ADAMTS16: variants seen among roughly 807,000 people sequenced by gnomAD.
ADAMTS16 encodes the protein ADAM metallopeptidase with thrombospondin type 1 motif 16.
Under a neutral mutation model 145.8 loss-of-function variants are expected in ADAMTS16, and 94 were observed. The observed-to-expected ratio is 0.64, with a 90% CI of 0.55 to 0.77. ADAMTS16 has a LOEUF of 0.77. Among genes scored for constraint, ADAMTS16 ranks in the 30% least tolerant of loss-of-function variants. ADAMTS16 has a pLI of 0.00. For synonymous variants in ADAMTS16, 659 were observed against 604.3 expected (o/e 1.09, Z -1.33); for missense variants, 1,585 against 1,591.5 (o/e 1.00, Z 0.07).
chr5:5,235,327 G>T (rs997471969), intron 13 of ADAMTS16, 141 bp downstream of exon 13: 10 of 938,600 alleles, frequency 1.1e-5, no homozygotes, highest in African/African-American at 1.7e-5. Flanking sequence ...TCTTCTGGAG[G>T]TTAGTTTTAT....
Position 5,317,631 on chromosome 5 carries a change from C to G in ADAMTS16, c.3412-503C>G, listed in dbSNP as rs556701777. On this transcript the variant is annotated intron_variant, in intron 21 of 22. Coordinates refer to ENST00000274181, the MANE Select transcript of ADAMTS16 (RefSeq NM_139056.4). This position sits in a 1 kb window ranked among gnomAD's most constrained non-coding sequence, Gnocchi z 4.5. ...CAGGCTGATCTCGAACTCCTGACCT[C>G]AGGTGATCCACCCGCCTCAGCCTCC... 2.6e-5 allele frequency among the ~76,000 whole-genome samples: 4 copies of G among 152,124 alleles called. No individual in the cohort carries two copies. In the South Asian group the frequency reaches 8.3e-4, roughly 32 times the overall value.
In ADAMTS16 at chr5:5,306,566, T is replaced by A. The variant is rs1740167997; in HGVS notation, c.3249T>A (p.Val1083=). 6 of 1,614,242 alleles carry A rather than the reference T, an allele frequency of 3.7e-6. No individual in the cohort carries two copies. Among genetic ancestry groups the A allele is most frequent in the Non-Finnish European group, 4.2e-6 (5 of 1,180,044 alleles). ...TCTTAAAATGTGCTGAAAAGTATGT[T>A]TCTGGAAAGTATCGAGAGCTGGCCT... The part of the protein sequence containing the change: ...KRFLKCAEKY[V]SGKYRELASK... Residue 1083 remains valine, a synonymous_variant, in exon 21 of 23, where the codon GTT becomes GTA. Coordinates refer to ENST00000274181, the MANE Select transcript of ADAMTS16 (RefSeq NM_139056.4).
intron 12 of ADAMTS16, 126 bp from the exon 13 acceptor site, chr5:5,234,888 A>AAAAAAAAAAAAAAAAAAAG (rs33928110): frequency 2.8e-6 from 1 of 352,982 alleles, no homozygotes; most frequent in Non-Finnish European, 4.3e-6. Flanking sequence ...AAAAAAAAAA[A>AAAAAAAAAAAAAAAAAAAG]GAATCCACTT....
chr5:5,292,931 CTG>C (rs1739391308), intron 18 of ADAMTS16, among the ~76,000 whole-genome samples: 1 of 152,186 alleles, frequency 6.6e-6, no homozygotes, highest in Admixed American at 6.5e-5. Context: ...CACGTGGTGT[CTG>C]TGACAGGGAT....
intron 17 of ADAMTS16, among the ~76,000 whole-genome samples, chr5:5,246,768 G>C (rs1737456452): frequency 6.6e-6 from 1 of 152,200 alleles, no homozygotes; most frequent in African/African-American, 2.4e-5. Context: ...CTTCGATCCA[G>C]TGATTTTTTC....
chr5:5,310,157 T>A lies in ADAMTS16; in HGVS notation c.3411+3429T>A, dbSNP rs1454462694. Among the ~76,000 whole-genome samples, 1 of 152,076 alleles carries A rather than the reference T, an allele frequency of 6.6e-6. No homozygotes were observed. The highest frequency in any genetic ancestry group is 1.5e-5 in the Non-Finnish European group (1 of 68,018). On this transcript the variant is annotated intron_variant, in intron 21 of 22. Transcript: ENST00000274181. The surrounding 1 kb of genome is among the most constrained non-coding windows in gnomAD (Gnocchi z 4.3). ...GCTCAGCAGCCAAGCATCCCCCAAA[T>A]GCTTGGTCAGATGGAACCATTTGTC...
intron 3 of ADAMTS16, among the ~76,000 whole-genome samples, chr5:5,181,747 G>GACTTTGGT (rs1413482695): frequency 6.6e-6 from 1 of 152,138 alleles, no homozygotes; most frequent in Non-Finnish European, 1.5e-5. Context: ...TAAATTAACT[G>GACTTTGGT]ACTTTGGTAT....
chr5:5,239,540 C>A (rs1382486292), intron 15 of ADAMTS16, 141 bp from the exon 16 acceptor site: 2 of 1,297,310 alleles, frequency 1.5e-6, no homozygotes, highest in Non-Finnish European at 2.1e-6. Context: ...AGTTCTAAGG[C>A]AACTGATCAC....
chr5:5,242,783 G>A (rs1474281566), intron 17 of ADAMTS16, among the ~76,000 whole-genome samples: 1 of 152,166 alleles, frequency 6.6e-6, no homozygotes, highest in Non-Finnish European at 1.5e-5. Flanking sequence ...CATTTATATC[G>A]GTAAAGCTAC....
At position 5,190,242 on chromosome 5, in the gene ADAMTS16, C is replaced by T. The variant is rs549187029; in HGVS notation, c.1207+112C>T. 3.4e-4 allele frequency: 406 copies of T among 1,198,470 alleles called. 3 individuals carry two copies. The African/African-American group carries it at 5.9e-3, about 17-fold the overall frequency. The allele number at this position is 1,198,470 out of a possible 1,614,324, so 74.2% of individuals were successfully genotyped here. A position where few individuals can be genotyped will look rare whatever the true frequency, so the allele number is the denominator to read the frequency against. On this transcript the variant is annotated intron_variant, in intron 7 of 22. Transcript: ENST00000274181. Reference sequence around the variant, plus strand: ...CCTTGTTAATAAGCAGTAGCAGCTTCTTAGTGAAGGTGTAAAGACTCACTT... The same window carrying T: ...CCTTGTTAATAAGCAGTAGCAGCTTTTTAGTGAAGGTGTAAAGACTCACTT...
intron 18 of ADAMTS16, among the ~76,000 whole-genome samples, chr5:5,298,028 C>T (rs577305923): frequency 5.3e-5 from 8 of 152,262 alleles, no homozygotes; most frequent in African/African-American, 1.9e-4. Context: ...TCCGTTCCCA[C>T]ATGAAAAACC....
At chr5:5,207,241 T>C (rs1352774644) in intron 9 of ADAMTS16, among the ~76,000 whole-genome samples, 2 of 152,250 alleles carry the variant, frequency 1.3e-5, no homozygotes, top group East Asian at 3.8e-4. Flanking sequence ...TGTAGATTTT[T>C]CTCATGTAGG....
intron 8 of ADAMTS16, among the ~76,000 whole-genome samples, chr5:5,197,643 T>C (rs1365269539): frequency 6.6e-6 from 1 of 152,256 alleles, no homozygotes; most frequent in Non-Finnish European, 1.5e-5. Flanking sequence ...TCTGCATAAT[T>C]TGAATAGTAG....
At chr5:5,160,909 G>A (rs1734724878) in intron 3 of ADAMTS16, among the ~76,000 whole-genome samples, 1 of 152,140 alleles carries the variant, frequency 6.6e-6, no homozygotes, top group South Asian at 2.1e-4. Context: ...AAAAAACACA[G>A]TGTTCGATAG....
At chr5:5,294,774 T>C (rs1739464549) in intron 18 of ADAMTS16, among the ~76,000 whole-genome samples, 1 of 152,076 alleles carries the variant, frequency 6.6e-6, no homozygotes, top group African/African-American at 2.4e-5. Flanking sequence ...GGCTGGAGGA[T>C]GAAGCCAGGG....
At chr5:5,239,109 C>A (rs759094740) in intron 14 of ADAMTS16, 42 bp from the exon 15 acceptor site, 2 of 1,453,244 alleles carry the variant, frequency 1.4e-6, no homozygotes, top group African/African-American at 2.9e-5. Context: ...GCTGTGTTGT[C>A]CTTTCTTTCA....
chr5:5,222,715 C>G, intron 10 of ADAMTS16, 74 bp from the exon 11 acceptor site: 1 of 1,247,770 alleles, frequency 8.0e-7, no homozygotes, highest in Non-Finnish European at 1.2e-6. Flanking sequence ...CCTTAAATCT[C>G]TCAGTGATAT....
At chr5:5,174,618 G>C (rs549926456) in intron 3 of ADAMTS16, among the ~76,000 whole-genome samples, 1 of 151,986 alleles carries the variant, frequency 6.6e-6, no homozygotes, top group South Asian at 2.1e-4. Flanking sequence ...GATCTTGTAG[G>C]CATGCTTCAT....
chr5:5,256,700 C>G (rs1737794650), intron 17 of ADAMTS16, among the ~76,000 whole-genome samples: 1 of 152,174 alleles, frequency 6.6e-6, no homozygotes, highest in African/African-American at 2.4e-5. Context: ...AGAGACCGTA[C>G]CTTGTGCAGA....
Sources: allele counts gnomAD v4.1 joint callset (sites outside exome capture counted in the v4.1 genomes callset), GRCh38; gene constraint gnomAD v4.1.1; non-coding constraint Gnocchi (gnomAD v3.1); transcripts MANE v1.5; gene names NCBI Gene and HGNC (gene_info 2026-07-23, HGNC 2026-07-21).